The following PRORP variants were observed in gnomAD, a reference collection of about 807,000 sequenced individuals.
The protein encoded by PRORP is mitochondrial ribonuclease P catalytic subunit.
A neutral mutation model predicts 59.4 loss-of-function variants in PRORP; 51 were observed. The observed-to-expected ratio is 0.86, with a 90% CI of 0.69 to 1.08. PRORP has a LOEUF of 1.08. PRORP is among the 50% of genes least tolerant of loss of function. The probability of loss-of-function intolerance (pLI) is 0.00; values close to 1 mark genes in which losing one functional copy is unlikely to be tolerated. For synonymous variants in PRORP, 231 were observed against 245.6 expected, an observed-to-expected ratio of 0.94 and a Z score of 0.55; for missense variants, 646 against 690.3, an observed-to-expected ratio of 0.94 and a Z score of 0.72.
chr14:35,150,226 T>C lies in PRORP; in HGVS notation c.1167+22615T>C, dbSNP rs10130946. ...ATTTAAAGTGTAAGACCGGAGACTC[T>C]TCCTTTCACTTGAACACCTAGAGGC... On this transcript the variant is annotated intron_variant, in intron 4 of 7. Transcript: ENST00000534898. Among the ~76,000 whole-genome samples the C allele has an allele frequency of 3.9e-3, 597 of 152,360 alleles. 6 individuals are homozygous for C. The highest frequency in any genetic ancestry group is 0.014 in the African/African-American group (565 of 41,582).
At chr14:35,167,203 G>T (rs551565189) in intron 4 of PRORP, among the ~76,000 whole-genome samples, 7 of 152,278 alleles carry the variant, frequency 4.6e-5, no homozygotes, top group African/African-American at 1.7e-4. Flanking sequence ...ATTTTATTAG[G>T]ATAGAAGAAA....
chr14:35,166,919 G>A (rs1216545155), intron 4 of PRORP, among the ~76,000 whole-genome samples: 1 of 152,094 alleles, frequency 6.6e-6, no homozygotes, highest in Admixed American at 6.6e-5. Context: ...TCGGATGCTG[G>A]CAGTTTCCAC....
chr14:35,220,411 A>G (rs986498877), intron 5 of PRORP, among the ~76,000 whole-genome samples: 1 of 152,334 alleles, frequency 6.6e-6, no homozygotes, highest in African/African-American at 2.4e-5. Flanking sequence ...GGGTTAAGAA[A>G]GACTAGTCCC....
At chr14:35,219,954 C>T (rs1595334599) in intron 5 of PRORP, among the ~76,000 whole-genome samples, 1 of 152,056 alleles carries the variant, frequency 6.6e-6, no homozygotes, top group Admixed American at 6.5e-5. Context: ...GTCTAAATTC[C>T]CTGCCGCCAT....
chr14:35,149,102 G>T (rs984439967), intron 4 of PRORP, among the ~76,000 whole-genome samples: 1 of 149,022 alleles, frequency 6.7e-6, no homozygotes, highest in Non-Finnish European at 1.5e-5. Context: ...TGTATTTTTA[G>T]TAGAGATGGG....
Position 35,276,024 on chromosome 14 carries a change from G to C in PRORP, c.*2458G>C, listed in dbSNP as rs559710779. On this transcript the variant is annotated 3_prime_UTR_variant, in exon 8 of 8. Coordinates refer to ENST00000534898, the MANE Select transcript of PRORP (RefSeq NM_014672.4). The stretch of plus-strand genomic sequence containing the variant: ...TCTACTGGCACATAGAGATGGGGGA[G>C]GAGTCAGGGCATGGTGGCCCACACC... The C allele has an allele frequency of 6.6e-6, 1 of 152,370 alleles. No homozygotes were observed. Among genetic ancestry groups the C allele is most frequent in the Non-Finnish European group, 1.5e-5 (1 of 68,134 alleles). 9.4% of individuals were successfully genotyped at this position (152,370 alleles called of 1,614,324 possible).
At chr14:35,198,122 T>A (rs2049052979) in intron 5 of PRORP, among the ~76,000 whole-genome samples, 1 of 152,238 alleles carries the variant, frequency 6.6e-6, no homozygotes, top group Admixed American at 6.5e-5. Flanking sequence ...TGGGGAAATT[T>A]GAAGGAACAC....
intron 4 of PRORP, among the ~76,000 whole-genome samples, chr14:35,129,014 T>C (rs1443350215): frequency 1.4e-5 from 2 of 145,204 alleles, no homozygotes; most frequent in African/African-American, 5.1e-5. Flanking sequence ...CTGGCTAACA[T>C]AGTGAAACCC....
chr14:35,132,318 C>T (rs955085225), intron 4 of PRORP, among the ~76,000 whole-genome samples: 6 of 144,324 alleles, frequency 4.2e-5, no homozygotes, highest in African/African-American at 1.5e-4. Context: ...ATTAGCCAGG[C>T]GTGGTGGCGG....
At chr14:35,264,750 C>T (rs2050998026) in intron 5 of PRORP, among the ~76,000 whole-genome samples, 1 of 152,162 alleles carries the variant, frequency 6.6e-6, no homozygotes, top group Admixed American at 6.6e-5. Flanking sequence ...GGAGCCGAGG[C>T]GGTTGGATCA....
At chr14:35,182,728 A>G (rs191621426) in intron 5 of PRORP, among the ~76,000 whole-genome samples, 31 of 152,340 alleles carry the variant, frequency 2.0e-4, no homozygotes, top group African/African-American at 7.2e-4. Flanking sequence ...TAAAATATTT[A>G]TCTTCCAGAT....
chr14:35,199,624 G>T (rs1485628951), intron 5 of PRORP, among the ~76,000 whole-genome samples: 2 of 152,200 alleles, frequency 1.3e-5, no homozygotes, highest in East Asian at 3.8e-4. Context: ...GTCTTCACCA[G>T]ATACAGAACC....
chr14:35,268,453 G>A (rs2051103748), intron 6 of PRORP, among the ~76,000 whole-genome samples: 1 of 151,708 alleles, frequency 6.6e-6, no homozygotes, highest in African/African-American at 2.4e-5. Flanking sequence ...TGAACTCAAT[G>A]CACTGTTGTG....
At chr14:35,179,190 A>G (rs2048534019) in intron 4 of PRORP, among the ~76,000 whole-genome samples, 1 of 152,058 alleles carries the variant, frequency 6.6e-6, no homozygotes, top group South Asian at 2.1e-4. Context: ...CCTTCATTTC[A>G]ACTTTAGTGA....
At chr14:35,247,838 C>G (rs1258345266) in intron 5 of PRORP, among the ~76,000 whole-genome samples, 4 of 152,010 alleles carry the variant, frequency 2.6e-5, no homozygotes, top group African/African-American at 9.7e-5. Context: ...ATAAAAAGAC[C>G]AAATGCATAT....
chr14:35,197,804 A>G lies in PRORP; in HGVS notation c.1275+17027A>G, dbSNP rs2139115228. Among the ~76,000 whole-genome samples, 3 of 152,366 alleles carry G rather than the reference A, an allele frequency of 2.0e-5. No individual in the cohort carries two copies. In the South Asian group the frequency reaches 6.2e-4, roughly 32 times the overall value. ...ATACAGAAAATAAAATAAATTTAAA[A>G]TAAGTTAAAATAAAGTTAATGTAAA... is the stretch of plus-strand genomic sequence containing the variant. On this transcript the variant is annotated intron_variant, in intron 5 of 7. Coordinates refer to ENST00000534898, the MANE Select transcript of PRORP (RefSeq NM_014672.4).
chr14:35,166,014 T>C (rs1267552557), intron 4 of PRORP, among the ~76,000 whole-genome samples: 1 of 152,048 alleles, frequency 6.6e-6, no homozygotes, highest in African/African-American at 2.4e-5. Context: ...GGGGAAGTTA[T>C]ATTTTTTTTA....
chr14:35,271,156 CTTT>C (rs762721923), intron 7 of PRORP, among the ~76,000 whole-genome samples: 5 of 114,572 alleles, frequency 4.4e-5, no homozygotes, highest in Admixed American at 1.9e-4. Context: ...ATTATGACTT[CTTT>C]TTTTTTTTTT....
chr14:35,252,495 TC>T (rs1388774608), intron 5 of PRORP, among the ~76,000 whole-genome samples: 7 of 152,176 alleles, frequency 4.6e-5, no homozygotes, highest in African/African-American at 1.7e-4. Flanking sequence ...CTGGCTGTCT[TC>T]CAGTTGCCTT....
Sources: allele counts gnomAD v4.1 joint callset (sites outside exome capture counted in the v4.1 genomes callset), GRCh38; gene constraint gnomAD v4.1.1; transcripts MANE v1.5; gene names NCBI Gene and HGNC (gene_info 2026-07-23, HGNC 2026-07-21).